Variants in ENTPD2 observed in about 807,000 individuals in gnomAD.
The protein encoded by ENTPD2 is ectonucleoside triphosphate diphosphohydrolase 2.
A neutral mutation model predicts 46.8 loss-of-function variants in ENTPD2; 48 were observed. That is an observed-to-expected ratio of 1.03 (90% CI 0.81 to 1.30). ENTPD2 has a LOEUF of 1.30. Ranked by LOEUF, ENTPD2 falls within the 50% of genes most tolerant of loss-of-function variation. The pLI, the probability that ENTPD2 is intolerant of heterozygous loss-of-function variation, is 0.00. For synonymous variants in ENTPD2, 316 were observed against 286.1 expected, an observed-to-expected ratio of 1.10 and a Z score of -1.06; for missense variants, 707 against 651.1, an observed-to-expected ratio of 1.09 and a Z score of -0.93.
Position 137,049,211 on chromosome 9 carries a change from G to T in ENTPD2, c.1150-136C>A, listed in dbSNP as rs536251205. 31 of 1,403,714 alleles carry T rather than the reference G, an allele frequency of 2.2e-5. No homozygotes were observed. In the African/African-American group the frequency reaches 3.0e-4, roughly 13 times the overall value. 87.0% of individuals were successfully genotyped at this position (1,403,714 alleles called of 1,614,324 possible). ...TGCGAGGCCAGAGACCACCACACAGGCCCGGACACGAATGGCAAGACCGAG... is the reference window on the plus strand; with the variant it reads ...TGCGAGGCCAGAGACCACCACACAGTCCCGGACACGAATGGCAAGACCGAG... On this transcript the variant is annotated intron_variant, in intron 7 of 8. Transcript: ENST00000355097.
intron 7 of ENTPD2, 171 bp from the exon 8 acceptor site, chr9:137,049,246 C>T: frequency 3.5e-6 from 4 of 1,150,154 alleles, no homozygotes; most frequent in Non-Finnish European, 5.0e-6. Flanking sequence ...GTCCGAGGGG[C>T]ACCCCCGGCA....
chr9:137,052,207 TGGCTG>T lies in ENTPD2; in HGVS notation c.235+19_235+23del, dbSNP rs759766401. 2 of 1,606,908 alleles carry T rather than the reference TGGCTG, an allele frequency of 1.2e-6. No homozygotes were observed. The highest frequency in any genetic ancestry group is 2.2e-5 in the East Asian group (1 of 44,842). ...GAGACCCTGCAGTGAGTGGGCGTCC[TGGCTG>T]GGCTGGGCTGGGCCTCACCTGGAAC... is the stretch of plus-strand genomic sequence containing the variant. On this transcript the variant is annotated intron_variant, in intron 2 of 8. Coordinates refer to ENST00000355097, the MANE Select transcript of ENTPD2 (RefSeq NM_203468.3).
intron 7 of ENTPD2, chr9:137,049,546 C>G (rs34657628): frequency 0.035 from 15,163 of 436,286 alleles, 355 homozygotes; most frequent in Non-Finnish European, 0.048. Flanking sequence ...GGGCACACTC[C>G]CGGTGCCCAG....
At position 137,048,940 on chromosome 9, in the gene ENTPD2, CCTT is replaced by C. The variant is rs1004525038; in HGVS notation, c.1282_1284del (p.Lys428del). 1.0e-5 allele frequency: 16 copies of C among 1,527,246 alleles called. No homozygotes were observed. Among genetic ancestry groups the C allele is most frequent in the Middle Eastern group, 1.8e-4 (1 of 5,618 alleles). The allele number at this position is 1,527,246 out of a possible 1,614,324, so 94.6% of individuals were successfully genotyped here. A position where few individuals can be genotyped will look rare whatever the true frequency, so the allele number is the denominator to read the frequency against. The stretch of plus-strand genomic sequence containing the variant: ...CCCCGCCCCGCCCCGCCCCAGCCCA[CCTT>C]CTTCTGGAAGATCACGCCGCCGAAG... On this transcript the variant is annotated inframe_deletion and splice_region_variant, in exon 8 of 9. Coordinates refer to ENST00000355097, the MANE Select transcript of ENTPD2 (RefSeq NM_203468.3).
chr9:137,052,461 C>T (rs1832320047), intron 1 of ENTPD2, 113 bp from the exon 2 acceptor site: 1 of 834,816 alleles, frequency 1.2e-6, no homozygotes, highest in Non-Finnish European at 1.9e-6. Flanking sequence ...CCCACCCAGT[C>T]ATGTGCCAAG....
intron 1 of ENTPD2, 104 bp from the exon 2 acceptor site, chr9:137,052,452 C>CG (rs1289685786): frequency 3.0e-5 from 26 of 871,628 alleles, no homozygotes; most frequent in Admixed American, 4.6e-5. Flanking sequence ...GCTCCCCCCC[C>CG]CACCCAGTCA....
rs201314893 is a variant in ENTPD2 at position 137,050,570 on chromosome 9, C to T, written c.775-32G>A. 525 of 1,603,342 alleles carry T rather than the reference C, an allele frequency of 3.3e-4. 5 individuals carry two copies. In the East Asian group the frequency reaches 7.9e-3, roughly 24 times the overall value. ...GAATCACCAGCGTGACAGGGTGGCA[C>T]CACCACCGCTCCAGAGGACCAGCCT... is the stretch of plus-strand genomic sequence containing the variant. On this transcript the variant is annotated intron_variant, in intron 5 of 8. Transcript: ENST00000355097.
At chr9:137,052,654 A>G in intron 1 of ENTPD2, 1 of 209,946 alleles carries the variant, frequency 4.8e-6, no homozygotes, top group Non-Finnish European at 9.6e-6. Flanking sequence ...AGAGGGACAG[A>G]GGGTCCCCAG....
At position 137,049,036 on chromosome 9, in the gene ENTPD2, C is replaced by G; in HGVS notation, c.1189G>C (p.Asp397His). The change falls in exon 8 of 9, where the codon GAC (aspartate) becomes CAC (histidine). Residue 397 changes from aspartate (D) to histidine (H), a missense_variant. By Grantham distance (81) the Asp-to-His change is moderately conservative. Coordinates refer to ENST00000355097, the MANE Select transcript of ENTPD2 (RefSeq NM_203468.3). ...RVPGQRARLA[D>H]YCAGAMFVQQ... The stretch of plus-strand genomic sequence containing the variant: ...ACGAACATGGCCCCGGCGCAGTAGT[C>G]GGCCAGGCGGGCCCGTTGCCCTGGC... 1 of 1,535,660 alleles carries G rather than the reference C, an allele frequency of 6.5e-7. No individual in the cohort carries two copies. Among genetic ancestry groups the G allele is most frequent in the Non-Finnish European group, 8.7e-7 (1 of 1,145,222 alleles).
At chr9:137,048,911 T>TCGGCC (rs1247800118) in intron 8 of ENTPD2, 30 bp downstream of exon 8, 6 of 1,463,856 alleles carry the variant, frequency 4.1e-6, no homozygotes, top group Non-Finnish European at 4.5e-6. Flanking sequence ...CCCCGCAAGG[T>TCGGCC]CGGCCCCGCC....
At chr9:137,049,422 C>T in intron 7 of ENTPD2, 1 of 549,618 alleles carries the variant, frequency 1.8e-6, no homozygotes, top group Non-Finnish European at 3.3e-6. Flanking sequence ...CGCCGCCTGT[C>T]CCCACCTCCC....
chr9:137,048,472 G>C lies in ENTPD2; in HGVS notation c.*185C>G, dbSNP rs983364605. On this transcript the variant is annotated 3_prime_UTR_variant, in exon 9 of 9. Transcript: ENST00000355097. ...ATGGAGAAGACAGTGGTGGGGTGGAGCGGTGGGGGATAGAGGGTGGGTGGA... is the reference window on the plus strand; with the variant it reads ...ATGGAGAAGACAGTGGTGGGGTGGACCGGTGGGGGATAGAGGGTGGGTGGA... 1 of 551,496 alleles carries C rather than the reference G, an allele frequency of 1.8e-6. No homozygotes were observed. The highest frequency in any genetic ancestry group is 2.0e-5 in the African/African-American group (1 of 49,344). The allele number at this position is 551,496 out of a possible 1,614,324, so 34.2% of individuals were successfully genotyped here. A position where few individuals can be genotyped will look rare whatever the true frequency, so the allele number is the denominator to read the frequency against.
At chr9:137,049,699 T>G in intron 7 of ENTPD2, 171 bp downstream of exon 7, 1 of 743,124 alleles carries the variant, frequency 1.3e-6, no homozygotes, top group Middle Eastern at 4.0e-4. Context: ...CCCGACTTGT[T>G]CACAGCCTAC....
chr9:137,048,892 G>C lies in ENTPD2; in HGVS notation c.1285-32C>G. Reference sequence around the variant, plus strand: ...GGAAGGGCGTGGCCTCAGCTCCCGAGAGGCCCCGCCCCGCAAGGTCGGCCC... The same window carrying C: ...GGAAGGGCGTGGCCTCAGCTCCCGACAGGCCCCGCCCCGCAAGGTCGGCCC... On this transcript the variant is annotated intron_variant, in intron 8 of 8. Transcript: ENST00000355097. 2.0e-6 allele frequency: 3 copies of C among 1,504,418 alleles called. No individual in the cohort carries two copies. In the South Asian group the frequency reaches 3.9e-5, roughly 19 times the overall value. 93.2% of individuals were successfully genotyped at this position (1,504,418 alleles called of 1,614,324 possible). A position where few individuals can be genotyped will look rare whatever the true frequency, so the allele number is the denominator to read the frequency against.
chr9:137,048,725 C>T lies in ENTPD2; in HGVS notation c.1420G>A (p.Ala474Thr), dbSNP rs757227399. ...AGCAGGACAAGCGCAGCCAGGAGCG[C>T]GGAGGCGAAGAGCAGCAGGAGGACG... Reference protein sequence around the residue: ...WVVLLLLFASALLAALVLLLR... With the variant: ...WVVLLLLFASTLLAALVLLLR... The change falls in exon 9 of 9, where the codon GCG (alanine) becomes ACG (threonine). Residue 474 changes from alanine to threonine, a missense_variant. Coordinates refer to ENST00000355097, the MANE Select transcript of ENTPD2 (RefSeq NM_203468.3). 24 of 1,605,830 alleles carry T rather than the reference C, an allele frequency of 1.5e-5. No individual in the cohort carries two copies. The South Asian group carries it at 2.3e-4, about 16-fold the overall frequency.
intron 7 of ENTPD2, chr9:137,049,511 G>A (rs955422604): frequency 9.1e-6 from 4 of 437,178 alleles, no homozygotes; most frequent in South Asian, 2.3e-5. Flanking sequence ...GGGACGACTC[G>A]TACGTTTCTC....
chr9:137,051,956 A>G (rs903046990), intron 2 of ENTPD2, among the ~76,000 whole-genome samples: 1 of 152,180 alleles, frequency 6.6e-6, no homozygotes, highest in African/African-American at 2.4e-5. Flanking sequence ...CCAGGCCCCC[A>G]GACCTCCTCC....
intron 7 of ENTPD2, chr9:137,049,417 C>T: frequency 1.8e-6 from 1 of 554,870 alleles, no homozygotes; most frequent in South Asian, 1.7e-5. Flanking sequence ...TGGCTCGCCG[C>T]CTGTCCCCAC....
At chr9:137,049,096 C>T in intron 7 of ENTPD2, 21 bp from the exon 8 acceptor site, 1 of 1,531,562 alleles carries the variant, frequency 6.5e-7, no homozygotes, top group Non-Finnish European at 8.7e-7. Flanking sequence ...GGCGGGACAC[C>T]GTCAGGCAGG....
Sources: gnomAD v4.1 joint callset for allele counts (sites outside exome capture counted in the v4.1 genomes callset) on GRCh38, gnomAD v4.1.1 for gene constraint, MANE v1.5 for transcripts, NCBI Gene and HGNC (gene_info 2026-07-23, HGNC 2026-07-21) for gene names.